Variants in HIVEP3 observed in about 807,000 individuals in gnomAD.
HIVEP3 encodes the protein HIVEP zinc finger 3.
A neutral mutation model predicts 152.8 loss-of-function variants in HIVEP3; 49 were observed. That is an observed-to-expected ratio of 0.32 (90% CI 0.26 to 0.41). HIVEP3 has a LOEUF of 0.41. Ranked by LOEUF, HIVEP3 falls within the 10% of genes least tolerant of loss-of-function variation. The probability of loss-of-function intolerance (pLI) is 1.00; values close to 1 mark genes in which losing one functional copy is unlikely to be tolerated. For synonymous variants in HIVEP3, 1,269 were observed against 1,289.0 expected, an observed-to-expected ratio of 0.98 and a Z score of 0.33; for missense variants, 2,790 against 3,103.3, an observed-to-expected ratio of 0.90 and a Z score of 2.40.
chr1:41,970,841 A>G (rs895437921), intron 1 of HIVEP3, among the ~76,000 whole-genome samples: 1 of 152,160 alleles, frequency 6.6e-6, no homozygotes, highest in Non-Finnish European at 1.5e-5. Flanking sequence ...CAACCCTGCC[A>G]CAAGCTAAGG....
intron 1 of HIVEP3, among the ~76,000 whole-genome samples, chr1:41,713,988 C>T (rs1013146090): frequency 2.2e-4 from 33 of 151,960 alleles, no homozygotes; most frequent in African/African-American, 7.8e-4. Context: ...ATAATGGTGC[C>T]TCATCTGCTC....
chr1:41,578,991 T>G (rs112754453), intron 4 of HIVEP3, among the ~76,000 whole-genome samples: 314 of 152,368 alleles, frequency 2.1e-3, no homozygotes, highest in African/African-American at 6.9e-3. Flanking sequence ...TTGTCTGACA[T>G]TTGAAATTAT....
chr1:41,962,433 A>C (rs1349802595), intron 1 of HIVEP3, among the ~76,000 whole-genome samples: 2 of 152,260 alleles, frequency 1.3e-5, no homozygotes, highest in Non-Finnish European at 2.9e-5. Flanking sequence ...AAAAATAAGG[A>C]AATGTCATAC....
At chr1:41,649,133 C>A (rs1002445419) in intron 2 of HIVEP3, among the ~76,000 whole-genome samples, 10 of 152,232 alleles carry the variant, frequency 6.6e-5, no homozygotes, top group Admixed American at 2.6e-4. Context: ...GACTCAAAAG[C>A]CTCAAGTAGA....
intron 1 of HIVEP3, among the ~76,000 whole-genome samples, chr1:42,003,009 T>G (rs1237106156): frequency 6.6e-6 from 1 of 152,230 alleles, no homozygotes; most frequent in Non-Finnish European, 1.5e-5. Context: ...GGGTTTTTTT[T>G]GTTCTAACTG....
chr1:41,663,520 C>G (rs1395130230), intron 2 of HIVEP3, among the ~76,000 whole-genome samples: 3 of 152,214 alleles, frequency 2.0e-5, no homozygotes, highest in Non-Finnish European at 4.4e-5. Flanking sequence ...CTCAACTTCT[C>G]TAGGCCCAAA....
intron 1 of HIVEP3, among the ~76,000 whole-genome samples, chr1:41,783,743 C>A (rs888353281): frequency 2.0e-5 from 3 of 152,150 alleles, no homozygotes; most frequent in African/African-American, 7.2e-5. Flanking sequence ...AATGAAGGGG[C>A]CAGAAAATCA....
At chr1:41,835,620 C>A (rs1371126699) in intron 1 of HIVEP3, among the ~76,000 whole-genome samples, 1 of 152,194 alleles carries the variant, frequency 6.6e-6, no homozygotes, top group Non-Finnish European at 1.5e-5. Flanking sequence ...TAACTTCAGA[C>A]AAACTGATGG....
chr1:41,897,905 G>GAT (rs142251208), intron 1 of HIVEP3, among the ~76,000 whole-genome samples: 1,634 of 150,978 alleles, frequency 0.011, 11 homozygotes, highest in Non-Finnish European at 0.019. Flanking sequence ...GGAGAAGGAG[G>GAT]ACCCAGGGTA....
intron 1 of HIVEP3, among the ~76,000 whole-genome samples, chr1:41,814,374 C>T (rs72961279): frequency 0.012 from 1,777 of 152,306 alleles, 32 homozygotes; most frequent in African/African-American, 0.04. Flanking sequence ...GAACTATATC[C>T]ATCACCTCTT....
chr1:41,633,198 TC>T (rs1286277478), intron 2 of HIVEP3, among the ~76,000 whole-genome samples: 2 of 150,144 alleles, frequency 1.3e-5, no homozygotes, highest in Non-Finnish European at 3.0e-5. Flanking sequence ...CTCCCTCTTC[TC>T]CCCCCCGCAA....
At chr1:41,904,626 C>T (rs960559265) in intron 1 of HIVEP3, among the ~76,000 whole-genome samples, 1 of 146,926 alleles carries the variant, frequency 6.8e-6, no homozygotes, top group African/African-American at 2.5e-5. Flanking sequence ...CACAGGCCCA[C>T]AGAGGATTGT....
chr1:41,632,467 C>T (rs1429071224), intron 2 of HIVEP3, among the ~76,000 whole-genome samples: 1 of 152,150 alleles, frequency 6.6e-6, no homozygotes, highest in Non-Finnish European at 1.5e-5. Context: ...ATCTCTTGAC[C>T]TCGTGATCCA....
At chr1:41,748,695 GA>G (rs1321871354) in intron 1 of HIVEP3, among the ~76,000 whole-genome samples, 1 of 152,240 alleles carries the variant, frequency 6.6e-6, no homozygotes, top group East Asian at 1.9e-4. Flanking sequence ...GAGGCTCAGA[GA>G]GGTCACCCAG....
At chr1:41,880,231 G>A (rs1644240057) in intron 1 of HIVEP3, among the ~76,000 whole-genome samples, 1 of 152,002 alleles carries the variant, frequency 6.6e-6, no homozygotes, top group Non-Finnish European at 1.5e-5. Flanking sequence ...GTAGAGATGG[G>A]GGTCTCCCTA....
chr1:41,633,122 G>A (rs1054412880), intron 2 of HIVEP3, among the ~76,000 whole-genome samples: 2 of 152,052 alleles, frequency 1.3e-5, no homozygotes, highest in African/African-American at 4.8e-5. Flanking sequence ...CACCACACCC[G>A]TGTCCAGGTC....
At chr1:41,639,765 C>T (rs570760221) in intron 2 of HIVEP3, among the ~76,000 whole-genome samples, 135 of 152,296 alleles carry the variant, frequency 8.9e-4, no homozygotes, top group Admixed American at 2.1e-3. Context: ...CTGGAGGCTG[C>T]CTTGGGAACC....
In HIVEP3 at chr1:41,526,072, G is replaced by A. The variant is rs561255858; in HGVS notation, c.5208-1162C>T. Among the ~76,000 whole-genome samples, 602 of 152,146 alleles carry A rather than the reference G, an allele frequency of 4.0e-3. 3 individuals carry two copies. The highest frequency in any genetic ancestry group is 7.2e-3 in the Non-Finnish European group (492 of 67,976). ...CAGAGGGGCAGGAGGTGGCTGGGAG[G>A]AGGTGAGCAAGGGACAGCGTGTCGG... On this transcript the variant is annotated intron_variant, in intron 5 of 8. Transcript: ENST00000372583.
intron 3 of HIVEP3, among the ~76,000 whole-genome samples, chr1:41,622,580 A>G (rs1306091692): frequency 6.6e-6 from 1 of 152,248 alleles, no homozygotes. Flanking sequence ...TCCAGGCTGC[A>G]ATGACAAAGT....
Sources: gnomAD v4.1 joint callset for allele counts (sites outside exome capture counted in the v4.1 genomes callset) on GRCh38, gnomAD v4.1.1 for gene constraint, MANE v1.5 for transcripts, NCBI Gene and HGNC (gene_info 2026-07-23, HGNC 2026-07-21) for gene names.